Variants in SUGCT observed in about 807,000 individuals in gnomAD.
SUGCT encodes succinyl-CoA:glutarate CoA-transferase.
A neutral mutation model predicts 55.0 loss-of-function variants in SUGCT; 41 were observed. The ratio of observed to expected loss-of-function variants is 0.74; its 90% CI spans 0.58 to 0.97. The LOEUF is 0.97. Ranked by LOEUF, SUGCT falls within the 50% of genes least tolerant of loss-of-function variation. SUGCT has a pLI of 0.00. For synonymous variants in SUGCT, 187 were observed against 200.4 expected (o/e 0.93, Z 0.56); for missense variants, 568 against 547.8 (o/e 1.04, Z -0.37).
intron 6 of SUGCT, among the ~76,000 whole-genome samples, chr7:40,218,975 C>T (rs1006838523): frequency 4.6e-5 from 7 of 152,138 alleles, no homozygotes; most frequent in East Asian, 3.8e-4. Flanking sequence ...TACATTCTTT[C>T]GCTCCTTGCA....
chr7:40,148,946 C>T (rs529688333), intron 1 of SUGCT, among the ~76,000 whole-genome samples: 13 of 152,150 alleles, frequency 8.5e-5, no homozygotes, highest in Non-Finnish European at 1.6e-4. Flanking sequence ...CATTCTTGGT[C>T]TTCCAGGGAG....
chr7:40,511,010 T>C (rs988465139), intron 12 of SUGCT, among the ~76,000 whole-genome samples: 2 of 152,174 alleles, frequency 1.3e-5, no homozygotes, highest in Non-Finnish European at 2.9e-5. Flanking sequence ...TAAAAGATTC[T>C]GCAAGGATTT....
chr7:40,569,663 A>G (rs977996078), intron 12 of SUGCT, among the ~76,000 whole-genome samples: 4 of 152,120 alleles, frequency 2.6e-5, no homozygotes, highest in Admixed American at 2.0e-4. Flanking sequence ...GTGGGTTTAC[A>G]TTTCTACTGT....
intron 11 of SUGCT, among the ~76,000 whole-genome samples, chr7:40,462,890 A>G (rs1333135585): frequency 6.6e-6 from 1 of 152,168 alleles, no homozygotes; most frequent in Non-Finnish European, 1.5e-5. Context: ...ATTTTTCATA[A>G]TAACCACTTA....
intron 11 of SUGCT, among the ~76,000 whole-genome samples, chr7:40,484,622 C>T (rs537071742): frequency 8.0e-4 from 122 of 152,294 alleles, no homozygotes; most frequent in African/African-American, 2.8e-3. Context: ...CCAGACATTG[C>T]CCTATCTACT....
At chr7:40,234,200 G>A (rs78609107) in intron 6 of SUGCT, among the ~76,000 whole-genome samples, 4,559 of 152,274 alleles carry the variant, frequency 0.03, 216 homozygotes, top group African/African-American at 0.1. Context: ...CTGATTTTCC[G>A]AACCTAGAGT....
At chr7:40,807,275 A>C (rs1372327857) in intron 13 of SUGCT, among the ~76,000 whole-genome samples, 6 of 152,228 alleles carry the variant, frequency 3.9e-5, no homozygotes, top group Non-Finnish European at 7.3e-5. Context: ...CAGGTTTGTC[A>C]CATAGGTAAA....
intron 12 of SUGCT, among the ~76,000 whole-genome samples, chr7:40,547,371 G>A (rs1484073799): frequency 6.6e-6 from 1 of 152,150 alleles, no homozygotes; most frequent in Non-Finnish European, 1.5e-5. Context: ...GGCACCCTGT[G>A]GCCCTGTCAA....
chr7:40,299,308 C>G (rs1794378700), intron 8 of SUGCT, among the ~76,000 whole-genome samples: 1 of 152,194 alleles, frequency 6.6e-6, no homozygotes, highest in Admixed American at 6.5e-5. Flanking sequence ...TCACTACTCT[C>G]TCCAGCATGT....
intron 9 of SUGCT, among the ~76,000 whole-genome samples, chr7:40,339,836 C>G (rs959113787): frequency 2.0e-5 from 3 of 152,184 alleles, no homozygotes; most frequent in Non-Finnish European, 4.4e-5. Flanking sequence ...TTCTGCATCA[C>G]TTACGCTGGG....
At chr7:40,477,491 C>T (rs940822231) in intron 11 of SUGCT, among the ~76,000 whole-genome samples, 1 of 151,998 alleles carries the variant, frequency 6.6e-6, no homozygotes, top group Non-Finnish European at 1.5e-5. Flanking sequence ...ATGACATTGT[C>T]GGCAAAATTT....
intron 7 of SUGCT, among the ~76,000 whole-genome samples, chr7:40,267,886 C>CAA (rs1345406499): frequency 6.6e-6 from 1 of 152,136 alleles, no homozygotes; most frequent in Non-Finnish European, 1.5e-5. Flanking sequence ...CAGAATTGTA[C>CAA]TAAGGAGTGA....
the SUGCT span, among the ~76,000 whole-genome samples, chr7:40,982,969 G>C: frequency 6.6e-6 from 1 of 152,248 alleles, no homozygotes; most frequent in Admixed American, 6.5e-5. Context: ...TGATGACCAA[G>C]AAGCCCAGAG....
At chr7:40,195,140 TG>T in intron 6 of SUGCT, 80 bp downstream of exon 6, 2 of 1,356,668 alleles carry the variant, frequency 1.5e-6, no homozygotes, top group Non-Finnish European at 1.9e-6. Flanking sequence ...AACCTTTTGC[TG>T]GCTTTTTTTT....
intron 7 of SUGCT, among the ~76,000 whole-genome samples, chr7:40,248,886 T>TCG (rs541035947): frequency 0.045 from 4,983 of 110,948 alleles, 103 homozygotes; most frequent in Middle Eastern, 0.063. Context: ...GCGCGCGCGC[T>TCG]CGCACACACA....
At chr7:40,890,195 TATAA>T in the SUGCT span, among the ~76,000 whole-genome samples, 9 of 145,480 alleles carry the variant, frequency 6.2e-5, no homozygotes, top group African/African-American at 2.2e-4. Flanking sequence ...TTATTTATTA[TATAA>T]ATATTTATAT....
At chr7:40,928,353 C>CT in the SUGCT span, among the ~76,000 whole-genome samples, 1 of 151,858 alleles carries the variant, frequency 6.6e-6, no homozygotes, top group Non-Finnish European at 1.5e-5. Flanking sequence ...ACATCTTTTC[C>CT]TTTTTTTGCT....
chr7:41,001,580 C>A, the SUGCT span, among the ~76,000 whole-genome samples: 12 of 152,104 alleles, frequency 7.9e-5, no homozygotes, highest in Non-Finnish European at 1.3e-4. Context: ...GTCTGAAAGT[C>A]CAACATCAGG....
At chr7:40,801,820 T>C (rs187552273) in intron 13 of SUGCT, among the ~76,000 whole-genome samples, 1 of 152,054 alleles carries the variant, frequency 6.6e-6, no homozygotes. Flanking sequence ...TCACATGTGC[T>C]CAGGCCCTCT....
Sources: gnomAD v4.1 joint callset for allele counts (sites outside exome capture counted in the v4.1 genomes callset) on GRCh38, gnomAD v4.1.1 for gene constraint, MANE v1.5 for transcripts, NCBI Gene and HGNC (gene_info 2026-07-23, HGNC 2026-07-21) for gene names.